Variants in IGSF11 observed in about 807,000 individuals in gnomAD.
The protein encoded by IGSF11 is CXADR like 1.
Under a neutral mutation model 41.0 loss-of-function variants are expected in IGSF11, and 22 were observed. The observed-to-expected ratio is 0.54, with a 90% CI of 0.38 to 0.77. The LOEUF is 0.77. Ranked by LOEUF, IGSF11 falls within the 30% of genes least tolerant of loss-of-function variation. The pLI is 0.00. For synonymous variants in IGSF11, 219 were observed against 201.3 expected (o/e 1.09, Z -0.74); for missense variants, 444 against 530.8 (o/e 0.84, Z 1.61).
intron 1 of IGSF11, among the ~76,000 whole-genome samples, chr3:119,068,952 A>C (rs1576758864): frequency 9.2e-6 from 1 of 108,110 alleles, no homozygotes; most frequent in Non-Finnish European, 1.7e-5. Flanking sequence ...TTTGAGATGG[A>C]GTCTTGCTCT....
chr3:119,045,169 G>C (rs952808097), intron 1 of IGSF11, among the ~76,000 whole-genome samples: 1 of 152,210 alleles, frequency 6.6e-6, no homozygotes, highest in Non-Finnish European at 1.5e-5. Context: ...AACAGCTCCG[G>C]TCTACAGCTC....
intron 1 of IGSF11, among the ~76,000 whole-genome samples, chr3:119,100,805 G>A (rs1344419342): frequency 1.3e-5 from 2 of 152,128 alleles, no homozygotes; most frequent in Non-Finnish European, 1.5e-5. Context: ...CATCCAGGGG[G>A]CATCTGATAA....
intron 1 of IGSF11, among the ~76,000 whole-genome samples, chr3:118,978,841 C>G (rs1039201071): frequency 6.6e-6 from 1 of 152,082 alleles, no homozygotes. Context: ...ACCAGATGCA[C>G]AGATACCAAT....
At chr3:118,938,325 T>C (rs75752262) in intron 1 of IGSF11, among the ~76,000 whole-genome samples, 3 of 152,338 alleles carry the variant, frequency 2.0e-5, no homozygotes, top group Non-Finnish European at 4.4e-5. Flanking sequence ...GCATTTCGCA[T>C]GGCCATTGAT....
chr3:118,964,238 T>C (rs1323199576), intron 1 of IGSF11, among the ~76,000 whole-genome samples: 1 of 151,840 alleles, frequency 6.6e-6, no homozygotes, highest in Non-Finnish European at 1.5e-5. Context: ...TTTCAAAGAG[T>C]TTTTAATAAA....
intron 1 of IGSF11, among the ~76,000 whole-genome samples, chr3:118,999,768 G>A (rs181531304): frequency 9.2e-5 from 14 of 152,030 alleles, no homozygotes; most frequent in Admixed American, 4.6e-4. Context: ...TCTTATTCAC[G>A]TTATCTTTTA....
intron 1 of IGSF11, among the ~76,000 whole-genome samples, chr3:118,995,321 T>C (rs547994548): frequency 4.2e-4 from 64 of 152,194 alleles, no homozygotes; most frequent in South Asian, 8.3e-4. Flanking sequence ...TCACTTCTGG[T>C]TGAAACACTG....
chr3:118,969,097 A>G lies in IGSF11; in HGVS notation c.53-38822T>C, dbSNP rs768035429. 2.5e-4 allele frequency among the ~76,000 whole-genome samples: 38 copies of G among 152,272 alleles called. 1 individual carries two copies. The highest frequency in any genetic ancestry group is 7.8e-4 in the Admixed American group (12 of 15,290). ...AAAACAGGGTATGGCCCATGTTCCT[A>G]AGAAGTTTATCATCGAGTTGGAGAA... is the stretch of plus-strand genomic sequence containing the variant. On this transcript the variant is annotated intron_variant, in intron 1 of 6. Coordinates refer to ENST00000393775, the MANE Select transcript of IGSF11 (RefSeq NM_001015887.3).
Position 118,902,447 on chromosome 3 carries a change from T to TAC in IGSF11, c.*72_*73insGT. 3.5e-6 allele frequency: 2 copies of TAC among 563,916 alleles called. No individual in the cohort carries two copies. Among genetic ancestry groups the TAC allele is most frequent in the East Asian group, 3.2e-5 (1 of 31,444 alleles). 34.9% of individuals were successfully genotyped at this position (563,916 alleles called of 1,614,324 possible). ...TAAGGAAGTGTTTCTTTCCCAGCAC[T>TAC]CCCCACCCCACCCTCCCCCTTGTAT... On this transcript the variant is annotated 3_prime_UTR_variant, in exon 7 of 7. Coordinates refer to ENST00000393775, the MANE Select transcript of IGSF11 (RefSeq NM_001015887.3).
At chr3:119,090,035 A>C (rs766212905) in intron 1 of IGSF11, among the ~76,000 whole-genome samples, 1 of 152,184 alleles carries the variant, frequency 6.6e-6, no homozygotes, top group South Asian at 2.1e-4. Context: ...AAAAACAAAC[A>C]AACCAAAAAA....
chr3:118,978,153 C>T (rs540397146), intron 1 of IGSF11, among the ~76,000 whole-genome samples: 2 of 152,302 alleles, frequency 1.3e-5, no homozygotes, highest in Admixed American at 6.5e-5. Flanking sequence ...GCACACCATC[C>T]AGGAGCTTGG....
chr3:118,943,439 G>A (rs1213491395), intron 1 of IGSF11, among the ~76,000 whole-genome samples: 1 of 152,166 alleles, frequency 6.6e-6, no homozygotes, highest in Non-Finnish European at 1.5e-5. Flanking sequence ...ATAGTTTAAA[G>A]ACAAGGCAGG....
At chr3:118,925,478 A>G (rs189935068) in intron 4 of IGSF11, among the ~76,000 whole-genome samples, 4 of 152,266 alleles carry the variant, frequency 2.6e-5, no homozygotes, top group Non-Finnish European at 5.9e-5. Flanking sequence ...ATAAAATTCT[A>G]TATCTTCCCC....
At chr3:118,904,116 G>A (rs538393846) in intron 6 of IGSF11, among the ~76,000 whole-genome samples, 1 of 152,320 alleles carries the variant, frequency 6.6e-6, no homozygotes, top group African/African-American at 2.4e-5. Context: ...GATGAAATCT[G>A]AGACTGAGCC....
chr3:118,920,876 A>C (rs7635851), intron 4 of IGSF11, among the ~76,000 whole-genome samples: 24,004 of 152,132 alleles, frequency 0.16, 2,587 homozygotes, highest in South Asian at 0.3. Flanking sequence ...TAACACCTGC[A>C]ATATAATGGC....
At chr3:119,145,947 A>G in exon 1 of IGSF11, 1 of 462,192 alleles carries the variant, frequency 2.2e-6, no homozygotes, top group Non-Finnish European at 3.9e-6. Context: ...TAACTGCCAG[A>G]GCCTGAGAAT....
intron 1 of IGSF11, among the ~76,000 whole-genome samples, chr3:118,973,130 C>T (rs1302250176): frequency 1.3e-5 from 2 of 152,208 alleles, no homozygotes; most frequent in Non-Finnish European, 2.9e-5. Context: ...ATCTCTCATC[C>T]AGGGATATGC....
intron 1 of IGSF11, among the ~76,000 whole-genome samples, chr3:118,977,861 C>T (rs1255223101): frequency 1.3e-5 from 2 of 152,182 alleles, no homozygotes; most frequent in Admixed American, 6.5e-5. Context: ...ATTTTAAGAG[C>T]CTAGCCCACA....
intron 1 of IGSF11, among the ~76,000 whole-genome samples, chr3:119,094,758 G>A (rs141900257): frequency 0.031 from 4,522 of 147,724 alleles, 211 homozygotes; most frequent in African/African-American, 0.11. Context: ...TGCAACCTCC[G>A]CCTCCCAGGT....
Sources: allele counts gnomAD v4.1 joint callset (sites outside exome capture counted in the v4.1 genomes callset), GRCh38; gene constraint gnomAD v4.1.1; transcripts MANE v1.5; gene names NCBI Gene and HGNC (gene_info 2026-07-23, HGNC 2026-07-21).